Variants in JMJD1C observed in about 807,000 individuals in gnomAD.
The protein encoded by JMJD1C is jumonji domain-containing protein 1C.
In JMJD1C, 31 loss-of-function variants were observed where a neutral mutation model predicts 245.3. The observed-to-expected ratio is 0.13, with a 90% CI of 0.09 to 0.17. The LOEUF is 0.17. Ranked by LOEUF, JMJD1C falls within the 10% of genes least tolerant of loss-of-function variation. JMJD1C has a pLI of 1.00. For missense variants in JMJD1C, 2,691 were observed against 3,000.2 expected, an observed-to-expected ratio of 0.90 and a Z score of 2.41; for synonymous variants, 1,057 against 1,017.4, an observed-to-expected ratio of 1.04 and a Z score of -0.74.
intron 1 of JMJD1C, among the ~76,000 whole-genome samples, chr10:63,442,494 C>G (rs1006647321): frequency 2.6e-5 from 4 of 152,158 alleles, no homozygotes; most frequent in African/African-American, 9.7e-5. Context: ...TCTGTAACTT[C>G]TAGCAATGCA....
At chr10:63,337,438 T>C (rs1459116121) in intron 2 of JMJD1C, among the ~76,000 whole-genome samples, 1 of 93,582 alleles carries the variant, frequency 1.1e-5, no homozygotes, top group Non-Finnish European at 1.8e-5. Flanking sequence ...TGAGCCTCCG[T>C]CAGAAAGAAA....
At chr10:63,209,860 G>A (rs1163756506) in intron 8 of JMJD1C, among the ~76,000 whole-genome samples, 1 of 152,102 alleles carries the variant, frequency 6.6e-6, no homozygotes, top group Non-Finnish European at 1.5e-5. Context: ...AATATAAGGT[G>A]ACAGCAACCT....
intron 13 of JMJD1C, among the ~76,000 whole-genome samples, chr10:63,196,743 G>C (rs1845503686): frequency 6.6e-6 from 1 of 152,096 alleles, no homozygotes; most frequent in Admixed American, 6.6e-5. Context: ...ACCAGCTTTA[G>C]GTAGTCACTT....
At chr10:63,425,763 C>T (rs1216679939) in intron 1 of JMJD1C, among the ~76,000 whole-genome samples, 1 of 152,138 alleles carries the variant, frequency 6.6e-6, no homozygotes, top group Non-Finnish European at 1.5e-5. Context: ...GCCTGGGAAA[C>T]AGAGCAACAC....
rs1160720127 is a variant in JMJD1C, at chr10:63,486,506, T to A, written n.113+35232A>T. ...AAATGGATAGAAATAATTCAGTCTA[T>A]TGAAATAAGCTTAATTTATCTCTTC... On this transcript the variant is annotated intron_variant and non_coding_transcript_variant, in intron 1 of 3. Coordinates refer to the JMJD1C transcript ENST00000633035. 2.0e-5 allele frequency among the ~76,000 whole-genome samples: 3 copies of A among 152,180 alleles called. No individual in the cohort carries two copies. The East Asian group carries it at 5.8e-4, about 29-fold the overall frequency.
At chr10:63,212,948 G>A (rs1210883477) in intron 8 of JMJD1C, among the ~76,000 whole-genome samples, 1 of 150,996 alleles carries the variant, frequency 6.6e-6, no homozygotes, top group Non-Finnish European at 1.5e-5. Context: ...AGCACTTTGG[G>A]AGGCCGAGAC....
intron 1 of JMJD1C, among the ~76,000 whole-genome samples, chr10:63,382,009 C>T (rs1301791531): frequency 3.3e-5 from 5 of 152,080 alleles, no homozygotes. Context: ...GTCAGGAGTT[C>T]GAGACCATCC....
At chr10:63,453,597 A>T (rs941407814) in intron 1 of JMJD1C, among the ~76,000 whole-genome samples, 1 of 152,252 alleles carries the variant, frequency 6.6e-6, no homozygotes, top group Non-Finnish European at 1.5e-5. Context: ...AAGCTGAAAC[A>T]AAGGCCTGAT....
intron 2 of JMJD1C, among the ~76,000 whole-genome samples, chr10:63,337,644 C>A (rs1321975045): frequency 3.1e-5 from 3 of 96,140 alleles, no homozygotes; most frequent in African/African-American, 3.8e-5. Context: ...GAAAAAAAAT[C>A]CGCTATTGTT....
At chr10:63,254,065 A>G (rs1455188013) in intron 3 of JMJD1C, among the ~76,000 whole-genome samples, 1 of 152,202 alleles carries the variant, frequency 6.6e-6, no homozygotes, top group Non-Finnish European at 1.5e-5. Flanking sequence ...GCCTAGAAAG[A>G]CTTGAATTTT....
chr10:63,223,131 G>C, intron 3 of JMJD1C: 1 of 362,296 alleles, frequency 2.8e-6, no homozygotes, highest in East Asian at 3.8e-5. Flanking sequence ...GAAATTATCT[G>C]CAAAAAAAAA....
chr10:63,304,032 A>C (rs1860393805), intron 2 of JMJD1C, among the ~76,000 whole-genome samples: 1 of 151,860 alleles, frequency 6.6e-6, no homozygotes, highest in African/African-American at 2.4e-5. Flanking sequence ...CACTAATCTT[A>C]CTCTACCTTG....
At chr10:63,480,289 T>C (rs557180635) in intron 1 of JMJD1C, among the ~76,000 whole-genome samples, 3 of 151,682 alleles carry the variant, frequency 2.0e-5, no homozygotes, top group Non-Finnish European at 2.9e-5. Flanking sequence ...GGAGCACTAA[T>C]GAATCCTCCA....
At chr10:63,386,362 T>C (rs1029282421) in intron 1 of JMJD1C, among the ~76,000 whole-genome samples, 1 of 152,158 alleles carries the variant, frequency 6.6e-6, no homozygotes, top group Non-Finnish European at 1.5e-5. Context: ...CCTTCCCCAG[T>C]AGCAGGGCTG....
At chr10:63,223,215 G>GT (rs1184547534) in intron 3 of JMJD1C, among the ~76,000 whole-genome samples, 1 of 135,488 alleles carries the variant, frequency 7.4e-6, no homozygotes, top group African/African-American at 2.8e-5. Flanking sequence ...ATTATAAACT[G>GT]TTTTTTCTGT....
At chr10:63,491,628 T>A (rs1003100510) in intron 1 of JMJD1C, among the ~76,000 whole-genome samples, 1 of 152,242 alleles carries the variant, frequency 6.6e-6, no homozygotes, top group Admixed American at 6.5e-5. Flanking sequence ...AGCCCTTCTT[T>A]ATTGTGTCTG....
chr10:63,364,864 T>C (rs553805947), intron 2 of JMJD1C, among the ~76,000 whole-genome samples: 22 of 152,340 alleles, frequency 1.4e-4, no homozygotes, highest in African/African-American at 5.3e-4. Context: ...ATGTGCTAGC[T>C]GCTCTCAAAT....
rs774243875 is a variant in JMJD1C, at chr10:63,168,011, T to C, written c.*34A>G. ...ATCATTCAAGGTTAAGTAATCCCAG[T>C]TCAACAACCTAAAAATATCAAACTG... On this transcript the variant is annotated 3_prime_UTR_variant, in exon 26 of 26. Transcript: ENST00000399262. The C allele has an allele frequency of 1.4e-5, 18 of 1,258,970 alleles. No individual in the cohort carries two copies. In the South Asian group the frequency reaches 1.9e-4, roughly 13 times the overall value. 78.0% of individuals were successfully genotyped at this position (1,258,970 alleles called of 1,614,324 possible). A position where few individuals can be genotyped will look rare whatever the true frequency, so the allele number is the denominator to read the frequency against.
At chr10:63,449,894 T>C (rs772088017) in intron 1 of JMJD1C, among the ~76,000 whole-genome samples, 28 of 152,108 alleles carry the variant, frequency 1.8e-4, no homozygotes, top group Admixed American at 2.6e-4. Context: ...GGTGGGAAGA[T>C]CACTTGAGGC....
Sources: allele counts gnomAD v4.1 joint callset (sites outside exome capture counted in the v4.1 genomes callset), GRCh38; gene constraint gnomAD v4.1.1; transcripts MANE v1.5; gene names NCBI Gene and HGNC (gene_info 2026-07-23, HGNC 2026-07-21).